The following ACBD6 variants were observed in gnomAD, a reference collection of about 807,000 sequenced individuals.
ACBD6 encodes the protein acyl-CoA binding domain containing 6.
In ACBD6, 28 loss-of-function variants were observed where a neutral mutation model predicts 37.2. The ratio of observed to expected loss-of-function variants is 0.75; its 90% CI spans 0.56 to 1.03. The LOEUF (loss-of-function observed/expected upper bound fraction) is 1.03, where lower values mean the gene tolerates loss of function less well. Among genes scored for constraint, ACBD6 ranks in the 50% least tolerant of loss-of-function variants. The pLI is 0.00. For missense variants in ACBD6, 340 were observed against 337.4 expected (o/e 1.01, Z -0.06); for synonymous variants, 113 against 126.8 (o/e 0.89, Z 0.73).
At chr1:180,371,834 G>C (rs913910844) in intron 6 of ACBD6, among the ~76,000 whole-genome samples, 4 of 152,086 alleles carry the variant, frequency 2.6e-5, no homozygotes, top group African/African-American at 9.7e-5. Context: ...ATTAAAAAAA[G>C]TCACATAAGA....
At chr1:180,462,181 G>A (rs2102043896) in intron 3 of ACBD6, among the ~76,000 whole-genome samples, 1 of 152,210 alleles carries the variant, frequency 6.6e-6, no homozygotes, top group East Asian at 1.9e-4. Flanking sequence ...AGGTTGCAGT[G>A]ACCCAAGATC....
intron 3 of ACBD6, among the ~76,000 whole-genome samples, chr1:180,471,304 G>T (rs1650555530): frequency 6.6e-6 from 1 of 151,924 alleles, no homozygotes; most frequent in Non-Finnish European, 1.5e-5. Flanking sequence ...GAGAAGCTGA[G>T]GTGGGAGGAT....
At chr1:180,397,924 G>T (rs962828067) in intron 5 of ACBD6, among the ~76,000 whole-genome samples, 1 of 152,092 alleles carries the variant, frequency 6.6e-6, no homozygotes, top group Admixed American at 6.6e-5. Context: ...ATGGTGATGG[G>T]TGCTTGTAAT....
chr1:180,423,737 A>G (rs1186983759), intron 4 of ACBD6, among the ~76,000 whole-genome samples: 1 of 152,184 alleles, frequency 6.6e-6, no homozygotes, highest in African/African-American at 2.4e-5. Flanking sequence ...GCTTAACCTT[A>G]AACAAACTTG....
chr1:180,274,794 A>G, exon 10 of ACBD6: 1 of 571,258 alleles, frequency 1.8e-6, no homozygotes, highest in South Asian at 2.5e-5. Context: ...CTCAGAACAC[A>G]GCACAGGGGG....
intron 3 of ACBD6, among the ~76,000 whole-genome samples, chr1:180,436,256 T>C (rs946066486): frequency 1.3e-5 from 2 of 152,214 alleles, no homozygotes; most frequent in Non-Finnish European, 2.9e-5. Flanking sequence ...TAAATTCATA[T>C]TGAGTAAATG....
intron 3 of ACBD6, among the ~76,000 whole-genome samples, chr1:180,461,911 G>T (rs759639079): frequency 6.6e-6 from 1 of 152,000 alleles, no homozygotes; most frequent in East Asian, 1.9e-4. Context: ...TGACAGGATC[G>T]AATCCACACA....
chr1:180,280,872 C>G (rs1399957444), intron 9 of ACBD6, among the ~76,000 whole-genome samples: 1 of 152,190 alleles, frequency 6.6e-6, no homozygotes, highest in Non-Finnish European at 1.5e-5. Context: ...TTACTCATTG[C>G]TGAGGCACTG....
At chr1:180,458,709 A>G (rs756352774) in intron 3 of ACBD6, among the ~76,000 whole-genome samples, 14 of 152,206 alleles carry the variant, frequency 9.2e-5, no homozygotes, top group Non-Finnish European at 1.6e-4. Context: ...ATGAAAAGTT[A>G]TATCAAATGG....
chr1:180,328,433 T>C (rs1651342551), intron 6 of ACBD6, among the ~76,000 whole-genome samples: 1 of 150,620 alleles, frequency 6.6e-6, no homozygotes, highest in African/African-American at 2.5e-5. Context: ...TTTTTTTTTT[T>C]GACCATGATT....
chr1:180,283,765 C>T (rs551254732), downstream of ACBD6, among the ~76,000 whole-genome samples: 6 of 152,194 alleles, frequency 3.9e-5, no homozygotes, highest in South Asian at 8.3e-4. Context: ...GGTTGAGTAT[C>T]CCTAATCTGA....
chr1:180,495,111 A>G (rs1012532388), intron 2 of ACBD6, among the ~76,000 whole-genome samples: 1 of 152,312 alleles, frequency 6.6e-6, no homozygotes, highest in African/African-American at 2.4e-5. Context: ...CCTTCCCATC[A>G]TTCTGGCCTT....
intron 4 of ACBD6, among the ~76,000 whole-genome samples, chr1:180,420,935 T>C (rs1424441997): frequency 6.6e-6 from 1 of 152,124 alleles, no homozygotes; most frequent in Admixed American, 6.5e-5. Context: ...CTTTGTGGCA[T>C]TTTTTTCCTC....
chr1:180,431,218 T>G (rs1648802020), intron 3 of ACBD6, among the ~76,000 whole-genome samples: 2 of 151,896 alleles, frequency 1.3e-5, no homozygotes, highest in Admixed American at 1.3e-4. Flanking sequence ...AAAGACCCCC[T>G]TCCCCGGAGA....
At chr1:180,271,203 T>C in exon 14 of ACBD6, 1 of 704,188 alleles carries the variant, frequency 1.4e-6, no homozygotes, top group South Asian at 1.6e-5. Context: ...AGGCCCGTGG[T>C]GCAGGAGTCA....
exon 14 of ACBD6, chr1:180,271,141 A>G: frequency 1.7e-6 from 1 of 577,718 alleles, no homozygotes; most frequent in South Asian, 1.9e-5. Flanking sequence ...GGGTTGAGGC[A>G]GGGAGCTGAG....
chr1:180,333,689 C>T (rs947769723), intron 6 of ACBD6, among the ~76,000 whole-genome samples: 1 of 152,056 alleles, frequency 6.6e-6, no homozygotes, highest in African/African-American at 2.4e-5. Flanking sequence ...GTGCAGCGCA[C>T]TGAGCGTGAG....
intron 6 of ACBD6, among the ~76,000 whole-genome samples, chr1:180,328,689 T>C (rs1401056352): frequency 1.3e-5 from 2 of 152,124 alleles, no homozygotes; most frequent in Non-Finnish European, 2.9e-5. Context: ...GAAGTAGTAA[T>C]AAAAAATTTT....
chr1:180,295,991 T>C (rs985180307), intron 7 of ACBD6, among the ~76,000 whole-genome samples: 17 of 152,182 alleles, frequency 1.1e-4, no homozygotes, highest in Admixed American at 2.6e-4. Context: ...AAAACCAACA[T>C]AGGACAAAAG....
Sources: gnomAD v4.1 joint callset for allele counts (sites outside exome capture counted in the v4.1 genomes callset) on GRCh38, gnomAD v4.1.1 for gene constraint, MANE v1.5 for transcripts, NCBI Gene and HGNC (gene_info 2026-07-23, HGNC 2026-07-21) for gene names.